C1QTNF3: variants seen among roughly 807,000 people sequenced by gnomAD.
The protein encoded by C1QTNF3 is complement C1q tumor necrosis factor-related protein 3.
In C1QTNF3, 26 loss-of-function variants were observed where a neutral mutation model predicts 32.6. The ratio of observed to expected loss-of-function variants is 0.80; its 90% CI spans 0.58 to 1.11. The LOEUF (loss-of-function observed/expected upper bound fraction) is 1.11. Among genes scored for constraint, C1QTNF3 ranks in the 50% least tolerant of loss-of-function variants. The pLI, the probability that C1QTNF3 is intolerant of heterozygous loss-of-function variation, is 0.00. For missense variants in C1QTNF3, 362 were observed against 398.2 expected, an observed-to-expected ratio of 0.91 and a Z score of 0.77; for synonymous variants, 155 against 146.0, an observed-to-expected ratio of 1.06 and a Z score of -0.44.
At chr5:34,123,991 T>C in the C1QTNF3 span, among the ~76,000 whole-genome samples, 1,985 of 152,340 alleles carry the variant, frequency 0.013, 50 homozygotes, top group African/African-American at 0.046. Flanking sequence ...ATGTGTCTTT[T>C]TTCTAACCTA....
the C1QTNF3 span, among the ~76,000 whole-genome samples, chr5:34,085,135 C>T: frequency 2.0e-5 from 3 of 148,954 alleles, no homozygotes; most frequent in Non-Finnish European, 4.4e-5. Flanking sequence ...GGACTACAGG[C>T]GCCTGCCACT....
At chr5:34,109,816 T>C in the C1QTNF3 span, among the ~76,000 whole-genome samples, 10 of 152,292 alleles carry the variant, frequency 6.6e-5, no homozygotes, top group Non-Finnish European at 1.3e-4. Context: ...ATCTTAACAA[T>C]TGATACAGAC....
In C1QTNF3 at chr5:34,020,423, T is replaced by C. The variant is rs1345901381; in HGVS notation, c.*160A>G. On this transcript the variant is annotated 3_prime_UTR_variant, in exon 6 of 6. Transcript: ENST00000382065. ...TGGTTGATTCTTCTGAGCCCCTGAA[T>C]TGTCCAACATTATTGGTGTACCTGT... 4.9e-6 allele frequency: 4 copies of C among 818,336 alleles called. No individual in the cohort carries two copies. The highest frequency in any genetic ancestry group is 3.5e-5 in the South Asian group (2 of 57,476). The allele number at this position is 818,336 out of a possible 1,614,324, so 50.7% of individuals were successfully genotyped here. A position where few individuals can be genotyped will look rare whatever the true frequency, so the allele number is the denominator to read the frequency against.
At chr5:34,173,048 T>C in the C1QTNF3 span, among the ~76,000 whole-genome samples, 1 of 152,328 alleles carries the variant, frequency 6.6e-6, no homozygotes, top group Admixed American at 6.5e-5. Context: ...CACATATGTA[T>C]ACTTTTGCAC....
chr5:34,022,426 G>A (rs1194361716), intron 5 of C1QTNF3, among the ~76,000 whole-genome samples: 1 of 152,152 alleles, frequency 6.6e-6, no homozygotes, highest in Non-Finnish European at 1.5e-5. Flanking sequence ...GACAGAACCA[G>A]GAGCCAAAGA....
At chr5:34,120,423 A>G in the C1QTNF3 span, among the ~76,000 whole-genome samples, 2 of 152,186 alleles carry the variant, frequency 1.3e-5, no homozygotes, top group Admixed American at 6.5e-5. Flanking sequence ...GATTTGAAAA[A>G]AAGGCAAATG....
the C1QTNF3 span, among the ~76,000 whole-genome samples, chr5:34,085,509 G>C: frequency 3.3e-5 from 5 of 151,374 alleles, no homozygotes; most frequent in South Asian, 1.0e-3. Context: ...TGTTCCATTG[G>C]TCTATATATC....
At chr5:34,055,872 C>T in the C1QTNF3 span, among the ~76,000 whole-genome samples, 1 of 152,240 alleles carries the variant, frequency 6.6e-6, no homozygotes. Context: ...CTCTGAAACA[C>T]ACAGCAGCTG....
the C1QTNF3 span, among the ~76,000 whole-genome samples, chr5:34,227,605 C>T: frequency 6.6e-6 from 1 of 151,892 alleles, no homozygotes; most frequent in Admixed American, 6.6e-5. Flanking sequence ...TATGAGCGGA[C>T]CCGCACAGTT....
chr5:34,075,306 A>G, the C1QTNF3 span, among the ~76,000 whole-genome samples: 1 of 151,700 alleles, frequency 6.6e-6, no homozygotes, highest in Non-Finnish European at 1.5e-5. Context: ...ACTAGTGTCT[A>G]GGAAATAAAG....
the C1QTNF3 span, among the ~76,000 whole-genome samples, chr5:34,146,358 A>G: frequency 3.3e-5 from 5 of 152,244 alleles, no homozygotes; most frequent in East Asian, 1.9e-4. Context: ...TAAATAACCA[A>G]TGCAATTCTA....
chr5:34,213,160 T>A, the C1QTNF3 span, among the ~76,000 whole-genome samples: 4 of 152,196 alleles, frequency 2.6e-5, no homozygotes, highest in African/African-American at 9.7e-5. Context: ...TATATAATCA[T>A]GTGCCACATA....
the C1QTNF3 span, among the ~76,000 whole-genome samples, chr5:34,109,832 T>C: frequency 6.6e-6 from 1 of 152,292 alleles, no homozygotes; most frequent in African/African-American, 2.4e-5. Flanking sequence ...CAGACTGTTT[T>C]CTGAGAACTT....
At chr5:34,029,414 A>G (rs973271562) in intron 3 of C1QTNF3, among the ~76,000 whole-genome samples, 3 of 152,150 alleles carry the variant, frequency 2.0e-5, no homozygotes, top group Non-Finnish European at 4.4e-5. Flanking sequence ...TGCTGGGATT[A>G]TAGGCGTGAG....
the C1QTNF3 span, among the ~76,000 whole-genome samples, chr5:34,171,886 C>T: frequency 6.6e-6 from 1 of 152,188 alleles, no homozygotes; most frequent in African/African-American, 2.4e-5. Context: ...TCCTTTCAAA[C>T]TACCCATAAA....
At chr5:34,025,193 T>TAAAAATTA (rs1294116058) in intron 4 of C1QTNF3, among the ~76,000 whole-genome samples, 4 of 152,212 alleles carry the variant, frequency 2.6e-5, no homozygotes, top group African/African-American at 9.6e-5. Flanking sequence ...TAAAGGCAGA[T>TAAAAATTA]AAAAATTAAA....
the C1QTNF3 span, chr5:34,200,925 C>T: frequency 1.3e-5 from 2 of 151,866 alleles, no homozygotes; most frequent in African/African-American, 4.8e-5. Flanking sequence ...CTTCATCCTA[C>T]AGCCAAATCA....
the C1QTNF3 span, chr5:34,175,716 C>T: frequency 6.2e-6 from 4 of 649,606 alleles, no homozygotes; most frequent in Non-Finnish European, 1.1e-5. Flanking sequence ...AACCAGCTTC[C>T]CCCCTTTGTT....
At chr5:34,219,598 C>T in the C1QTNF3 span, among the ~76,000 whole-genome samples, 1 of 151,108 alleles carries the variant, frequency 6.6e-6, no homozygotes, top group Non-Finnish European at 1.5e-5. Context: ...TTTGAAACAT[C>T]GAATAATATA....
Sources: gnomAD v4.1 joint callset for allele counts (sites outside exome capture counted in the v4.1 genomes callset) on GRCh38, gnomAD v4.1.1 for gene constraint, MANE v1.5 for transcripts, NCBI Gene and HGNC (gene_info 2026-07-23, HGNC 2026-07-21) for gene names.